Variants in DLG2 observed in about 807,000 individuals in gnomAD.
The protein encoded by DLG2 is disks large homolog 2.
Under a neutral mutation model 132.5 loss-of-function variants are expected in DLG2, and 45 were observed. The ratio of observed to expected loss-of-function variants is 0.34; its 90% CI spans 0.27 to 0.44. The LOEUF is 0.44. DLG2 is among the 20% of genes least tolerant of loss of function. DLG2 has a pLI of 1.00. For missense variants in DLG2, 1,045 were observed against 1,196.9 expected, an observed-to-expected ratio of 0.87 and a Z score of 1.87; for synonymous variants, 424 against 419.6, an observed-to-expected ratio of 1.01 and a Z score of -0.13.
chr11:85,181,509 G>T (rs1462225638), intron 4 of DLG2, among the ~76,000 whole-genome samples: 1 of 151,502 alleles, frequency 6.6e-6, no homozygotes, highest in Non-Finnish European at 1.5e-5. Flanking sequence ...TAGAAAGCAG[G>T]TGTCATGTCA....
At chr11:84,892,990 A>C (rs1170081893) in intron 6 of DLG2, among the ~76,000 whole-genome samples, 3 of 152,200 alleles carry the variant, frequency 2.0e-5, no homozygotes, top group Non-Finnish European at 4.4e-5. Flanking sequence ...TACACAGACT[A>C]GGGTTCAAAT....
intron 2 of DLG2, among the ~76,000 whole-genome samples, chr11:85,607,076 T>A (rs2153258619): frequency 1.3e-5 from 2 of 152,278 alleles, no homozygotes; most frequent in South Asian, 4.1e-4. Context: ...GCAGTGAGAT[T>A]ATCGCCTATC....
intron 6 of DLG2, chr11:84,640,705 G>C (rs1325813834): frequency 5.8e-6 from 1 of 172,384 alleles, no homozygotes; most frequent in South Asian, 1.4e-4. Context: ...ACTTTGGGAG[G>C]CCAAGGCGTG....
At chr11:84,929,126 C>T (rs1273210698) in intron 6 of DLG2, among the ~76,000 whole-genome samples, 1 of 149,406 alleles carries the variant, frequency 6.7e-6, no homozygotes, top group South Asian at 2.1e-4. Flanking sequence ...AAAGATACTG[C>T]CACCATCCCC....
chr11:85,512,554 C>G (rs1340805864), intron 3 of DLG2, among the ~76,000 whole-genome samples: 1 of 152,056 alleles, frequency 6.6e-6, no homozygotes, highest in East Asian at 1.9e-4. Context: ...GCCTACTTTA[C>G]TGTCACTGTC....
intron 16 of DLG2, among the ~76,000 whole-genome samples, chr11:83,869,420 G>T (rs534999615): frequency 1.1e-4 from 16 of 152,244 alleles, no homozygotes; most frequent in Middle Eastern, 3.4e-3. Flanking sequence ...CTGAGCTCAG[G>T]CTCAGAACAC....
chr11:84,004,115 A>G (rs1243569887), intron 11 of DLG2, among the ~76,000 whole-genome samples: 1 of 152,188 alleles, frequency 6.6e-6, no homozygotes, highest in Admixed American at 6.6e-5. Flanking sequence ...TGATACCAAA[A>G]CCTAAGGACA....
intron 18 of DLG2, among the ~76,000 whole-genome samples, chr11:83,786,259 C>A (rs2039911171): frequency 6.6e-6 from 1 of 152,078 alleles, no homozygotes; most frequent in Non-Finnish European, 1.5e-5. Flanking sequence ...AATCAAGCAC[C>A]CCCAAAAGCC....
chr11:85,239,071 A>G (rs1010488559), intron 4 of DLG2, among the ~76,000 whole-genome samples: 1 of 152,078 alleles, frequency 6.6e-6, no homozygotes, highest in Non-Finnish European at 1.5e-5. Context: ...AGAAAAATAC[A>G]CAAGAACCTT....
chr11:84,531,171 G>T (rs2099338572), intron 7 of DLG2, among the ~76,000 whole-genome samples: 1 of 152,140 alleles, frequency 6.6e-6, no homozygotes, highest in Non-Finnish European at 1.5e-5. Flanking sequence ...CATATTCTTT[G>T]CAGTAACATA....
chr11:84,820,383 A>G (rs529710284), intron 6 of DLG2, among the ~76,000 whole-genome samples: 2 of 151,770 alleles, frequency 1.3e-5, no homozygotes, highest in African/African-American at 4.8e-5. Context: ...GTTCCACTTT[A>G]TCTTCTACAT....
chr11:85,364,146 A>T, intron 3 of DLG2, among the ~76,000 whole-genome samples: 1 of 152,190 alleles, frequency 6.6e-6, no homozygotes, highest in East Asian at 1.9e-4. Flanking sequence ...TTCTACTTAT[A>T]GAAAAAAAAT....
chr11:84,374,015 G>A (rs1302390913), intron 7 of DLG2, among the ~76,000 whole-genome samples: 4 of 152,198 alleles, frequency 2.6e-5, no homozygotes, highest in African/African-American at 9.6e-5. Context: ...GCGTTGAGAG[G>A]TTCCTCCTGC....
chr11:84,459,682 G>A (rs968709607), intron 7 of DLG2, among the ~76,000 whole-genome samples: 1 of 150,524 alleles, frequency 6.6e-6, no homozygotes, highest in African/African-American at 2.4e-5. Context: ...AGCTATATTA[G>A]AGTTATTTCT....
At chr11:83,967,138 A>G (rs189224125) in intron 12 of DLG2, among the ~76,000 whole-genome samples, 1 of 152,160 alleles carries the variant, frequency 6.6e-6, no homozygotes, top group East Asian at 1.9e-4. Context: ...TTATCCACTG[A>G]CAGGCATGAA....
chr11:83,584,334 G>A (rs1408482660), intron 19 of DLG2, among the ~76,000 whole-genome samples: 3 of 152,212 alleles, frequency 2.0e-5, no homozygotes, highest in East Asian at 1.9e-4. Context: ...TTGTTATGAT[G>A]TAAAGGAGTT....
chr11:84,083,463 C>T (rs911916346), intron 10 of DLG2, among the ~76,000 whole-genome samples: 3 of 152,096 alleles, frequency 2.0e-5, no homozygotes, highest in African/African-American at 4.8e-5. Flanking sequence ...AATGTGTCCC[C>T]CAAAAGTTCA....
At chr11:85,020,285 A>C (rs2059930566) in intron 6 of DLG2, among the ~76,000 whole-genome samples, 1 of 152,126 alleles carries the variant, frequency 6.6e-6, no homozygotes, top group South Asian at 2.1e-4. Context: ...GTGTCTGTTC[A>C]TGTCCTTTGC....
intron 4 of DLG2, among the ~76,000 whole-genome samples, chr11:85,246,768 C>T (rs2076153851): frequency 1.3e-5 from 2 of 152,150 alleles, no homozygotes; most frequent in South Asian, 2.1e-4. Flanking sequence ...TATAATTATA[C>T]ACTTATATTT....
Sources: gnomAD v4.1 joint callset for allele counts (sites outside exome capture counted in the v4.1 genomes callset) on GRCh38, gnomAD v4.1.1 for gene constraint, MANE v1.5 for transcripts, NCBI Gene and HGNC (gene_info 2026-07-23, HGNC 2026-07-21) for gene names.